The following RIT2 variants were observed in gnomAD, a reference collection of about 807,000 sequenced individuals.
RIT2 encodes the protein Ras like without CAAX 2.
A neutral mutation model predicts 23.7 loss-of-function variants in RIT2; 24 were observed. The ratio of observed to expected loss-of-function variants is 1.01; its 90% confidence interval spans 0.73 to 1.43. The LOEUF is 1.43. Among genes scored for constraint, RIT2 ranks in the 40% most tolerant of loss-of-function variants. The pLI is 0.00. For missense variants in RIT2, 236 were observed against 266.9 expected, an observed-to-expected ratio of 0.88 and a Z score of 0.81; for synonymous variants, 107 against 91.1, an observed-to-expected ratio of 1.17 and a Z score of -0.99.
chr18:42,960,075 A>G (rs1274848694), intron 3 of RIT2, among the ~76,000 whole-genome samples: 1 of 152,236 alleles, frequency 6.6e-6, no homozygotes, highest in Non-Finnish European at 1.5e-5. Flanking sequence ...GAAATGTCTT[A>G]GCACTGTTCA....
Position 43,033,820 on chromosome 18 carries a change from G to T in RIT2, c.151C>A (p.Pro51Thr). Residue 51 changes from proline to threonine, a missense_variant, in exon 2 of 5, where the codon CCT becomes ACT. By Grantham distance (38) the Pro-to-Thr change is conservative. Transcript: ENST00000326695. ...ISHQFPDYHD[P>T]TIEDAYKTQV... is the part of the protein sequence containing the mutation. ...GGAAGCTTCCACTTACCTATAGTAGGGTCATGATAATCAGGGAACTGATGA... is the reference window on the plus strand; with the variant it reads ...GGAAGCTTCCACTTACCTATAGTAGTGTCATGATAATCAGGGAACTGATGA... The T allele has an allele frequency of 6.2e-7, 1 of 1,607,030 alleles. No homozygotes were observed. The highest frequency in any genetic ancestry group is 8.5e-7 in the Non-Finnish European group (1 of 1,174,234).
chr18:42,874,174 T>G (rs1443470744), intron 4 of RIT2, among the ~76,000 whole-genome samples: 13 of 152,150 alleles, frequency 8.5e-5, no homozygotes, highest in Non-Finnish European at 1.5e-5. Context: ...CGTTAGAATA[T>G]TAGCTCATGA....
In RIT2 at chr18:42,986,456, T is replaced by C. The variant is rs555898224; in HGVS notation, c.161-12309A>G. The stretch of plus-strand genomic sequence containing the variant: ...GGGGTGGTGGTTTTTAGTTGGTTGG[T>C]TTGTTAATAGTAGCAGATAAAGCTG... On this transcript the variant is annotated intron_variant, in intron 2 of 4. Transcript: ENST00000326695. 2.6e-5 allele frequency among the ~76,000 whole-genome samples: 4 copies of C among 152,108 alleles called. No individual in the cohort carries two copies. The East Asian group carries it at 7.7e-4, about 29-fold the overall frequency.
chr18:42,944,091 T>C (rs1909668379), intron 3 of RIT2, among the ~76,000 whole-genome samples: 1 of 152,108 alleles, frequency 6.6e-6, no homozygotes, highest in Non-Finnish European at 1.5e-5. Flanking sequence ...CCTTCCCTAC[T>C]TTGAACTAGC....
intron 2 of RIT2, among the ~76,000 whole-genome samples, chr18:42,985,654 T>G (rs906721247): frequency 6.6e-6 from 1 of 152,192 alleles, no homozygotes; most frequent in African/African-American, 2.4e-5. Flanking sequence ...ATAAAATTGT[T>G]AATGGAACAT....
intron 2 of RIT2, among the ~76,000 whole-genome samples, chr18:43,014,542 C>CT (rs1010661511): frequency 6.6e-6 from 1 of 151,492 alleles, no homozygotes; most frequent in African/African-American, 2.4e-5. Context: ...ACTCTGGAGA[C>CT]TTTTTTTCTA....
intron 2 of RIT2, among the ~76,000 whole-genome samples, chr18:43,026,620 G>GAAAGAAAGAAAGAA (rs757095513): frequency 7.0e-5 from 10 of 141,902 alleles, no homozygotes; most frequent in Admixed American, 3.5e-4. Context: ...AAGAAAGAAA[G>GAAAGAAAGAAAGAA]AAAGAAAGAA....
At chr18:43,044,805 A>G (rs72904983) in intron 1 of RIT2, among the ~76,000 whole-genome samples, 6,569 of 152,234 alleles carry the variant, frequency 0.043, 171 homozygotes, top group South Asian at 0.12. Flanking sequence ...CATTTCCCTG[A>G]GTGTTTTTCC....
At position 43,079,827 on chromosome 18, in the gene RIT2, A is replaced by G. The variant is rs56103837; in HGVS notation, c.103+35590T>C. Reference sequence around the variant, plus strand: ...ATGATTGGACTTCTCCCCTACAAAGAAAAGGAAGCCTCTGCCTTTGAATTT... The same window carrying G: ...ATGATTGGACTTCTCCCCTACAAAGGAAAGGAAGCCTCTGCCTTTGAATTT... On this transcript the variant is annotated intron_variant, in intron 1 of 4. Coordinates refer to ENST00000326695, the MANE Select transcript of RIT2 (RefSeq NM_002930.4). 5.4e-3 allele frequency among the ~76,000 whole-genome samples: 815 copies of G among 152,292 alleles called. 7 individuals carry two copies. Among genetic ancestry groups the G allele is most frequent in the Non-Finnish European group, 9.8e-3 (669 of 68,026 alleles).
intron 1 of RIT2, among the ~76,000 whole-genome samples, chr18:43,039,651 G>A (rs1167916224): frequency 6.6e-6 from 1 of 151,952 alleles, no homozygotes; most frequent in Non-Finnish European, 1.5e-5. Flanking sequence ...CCTGACCTCT[G>A]CTTTATTTTT....
chr18:42,974,218 T>C (rs1223714667), intron 2 of RIT2, 71 bp from the exon 3 acceptor site: 1 of 1,012,920 alleles, frequency 9.9e-7, no homozygotes, highest in Non-Finnish European at 1.5e-6. Context: ...AGATTTCATA[T>C]AGAAGAATTT....
intron 1 of RIT2, among the ~76,000 whole-genome samples, chr18:43,079,207 T>A (rs543626271): frequency 2.0e-5 from 3 of 152,176 alleles, no homozygotes; most frequent in African/African-American, 7.2e-5. Context: ...CAAACTAAAA[T>A]CACAAAGCTT....
intron 1 of RIT2, among the ~76,000 whole-genome samples, chr18:43,058,033 T>C (rs1205936150): frequency 6.6e-6 from 1 of 152,068 alleles, no homozygotes; most frequent in Non-Finnish European, 1.5e-5. Flanking sequence ...TGGCATAGCA[T>C]CTGGTAAATG....
intron 2 of RIT2, among the ~76,000 whole-genome samples, chr18:43,033,192 G>T (rs1911898016): frequency 6.6e-6 from 1 of 152,094 alleles, no homozygotes; most frequent in Non-Finnish European, 1.5e-5. Flanking sequence ...GGCATCTTTT[G>T]TGCTTTGAAT....
At chr18:43,013,918 C>T (rs1332493909) in intron 2 of RIT2, among the ~76,000 whole-genome samples, 1 of 151,716 alleles carries the variant, frequency 6.6e-6, no homozygotes, top group Non-Finnish European at 1.5e-5. Context: ...TAAATGCTGC[C>T]ATCGTTGAGT....
intron 4 of RIT2, among the ~76,000 whole-genome samples, chr18:42,874,568 T>C (rs1384762043): frequency 6.6e-6 from 1 of 152,164 alleles, no homozygotes; most frequent in Non-Finnish European, 1.5e-5. Context: ...TTTCTATTTA[T>C]GTATGTGCAG....
At chr18:42,751,494 C>A (rs765267159) in intron 4 of RIT2, among the ~76,000 whole-genome samples, 2 of 151,824 alleles carry the variant, frequency 1.3e-5, no homozygotes, top group Non-Finnish European at 2.9e-5. Context: ...TCAAGCTCGA[C>A]CAGAAATAAA....
intron 4 of RIT2, among the ~76,000 whole-genome samples, chr18:42,901,791 C>T (rs1265788786): frequency 6.6e-6 from 1 of 151,922 alleles, no homozygotes; most frequent in Non-Finnish European, 1.5e-5. Context: ...CTTTAGATTG[C>T]ACATTGTAAC....
At chr18:42,863,069 C>G (rs1022764192) in intron 4 of RIT2, among the ~76,000 whole-genome samples, 1 of 151,348 alleles carries the variant, frequency 6.6e-6, no homozygotes, top group African/African-American at 2.4e-5. Flanking sequence ...TGTTGTACCT[C>G]CAACAACAAG....
Sources: gnomAD v4.1 joint callset for allele counts (sites outside exome capture counted in the v4.1 genomes callset) on GRCh38, gnomAD v4.1.1 for gene constraint, MANE v1.5 for transcripts, NCBI Gene and HGNC (gene_info 2026-07-23, HGNC 2026-07-21) for gene names.